The following CACNB1 variants were observed in gnomAD, a reference collection of about 807,000 sequenced individuals.
The protein encoded by CACNB1 is voltage-dependent L-type calcium channel subunit beta-1.
In CACNB1, 29 loss-of-function variants were observed where a neutral mutation model predicts 71.6. The observed-to-expected ratio is 0.40, with a 90% CI of 0.30 to 0.55. The LOEUF (loss-of-function observed/expected upper bound fraction) is 0.55, where lower values mean the gene tolerates loss of function less well. Among genes scored for constraint, CACNB1 ranks in the 20% least tolerant of loss-of-function variants. The pLI is 0.38. For synonymous variants in CACNB1, 300 were observed against 319.6 expected (o/e 0.94, Z 0.65); for missense variants, 623 against 801.8 (o/e 0.78, Z 2.69).
chr17:39,176,905 C>G (rs750117569), intron 13 of CACNB1, among the ~76,000 whole-genome samples: 1 of 152,152 alleles, frequency 6.6e-6, no homozygotes, highest in African/African-American at 2.4e-5. Flanking sequence ...CCAGGTTTAA[C>G]GTAGGTTTCC....
chr17:39,180,505 A>T (rs2045726172), intron 11 of CACNB1, among the ~76,000 whole-genome samples: 1 of 151,706 alleles, frequency 6.6e-6, no homozygotes, highest in Non-Finnish European at 1.5e-5. Flanking sequence ...AAATATAAAA[A>T]TTAGCCAGGT....
rs141549614 is a variant in CACNB1 at position 39,184,799 on chromosome 17, C to A, written c.714G>T (p.Ser238=). The A allele has an allele frequency of 6.2e-7, 1 of 1,611,384 alleles. No homozygotes were observed. Among genetic ancestry groups the A allele is most frequent in the African/African-American group, 1.3e-5 (1 of 74,740 alleles). The change falls in exon 8 of 14, where the codon TCG becomes TCT. Residue 238 remains serine, a synonymous_variant. Transcript: ENST00000394303. ...GAAGTCCTACCTCGTAGCCCTTGAG[C>A]GACGGTCCCACCAGGATGATGGGCC... is the stretch of plus-strand genomic sequence containing the variant. The part of the protein sequence containing the change: ...SMRPIILVGP[S]LKGYEVTDMM...
rs1243892748 is a variant in CACNB1 at position 39,186,517 on chromosome 17, G to A, written c.607C>T (p.Arg203Cys). The part of the protein sequence containing the change: ...SLGDVVTGTR[R>C]PTPPASAKQK... ...TTACCACTGGCAGGGGGTGTGGGGC[G>A]GCGGGTGCCAGTCACCACATCTCCC... The change falls in exon 6 of 14, where the codon CGC (arginine) becomes TGC (cysteine). Residue 203 changes from arginine to cysteine, a missense_variant. Coordinates refer to ENST00000394303, the MANE Select transcript of CACNB1 (RefSeq NM_000723.5). The surrounding 1 kb of genome is among the most constrained non-coding windows in gnomAD (Gnocchi z 4.1). 1.2e-6 allele frequency: 2 copies of A among 1,613,064 alleles called. No homozygotes were observed. The highest frequency in any genetic ancestry group is 1.7e-6 in the Non-Finnish European group (2 of 1,179,556).
rs772232514 is a variant in CACNB1 at position 39,177,357 on chromosome 17, T to G, written c.1325A>C (p.Asn442Thr). Residue 442 changes from asparagine to threonine, a missense_variant, in exon 13 of 14, where the codon AAC becomes ACC. Coordinates refer to ENST00000394303, the MANE Select transcript of CACNB1 (RefSeq NM_000723.5). Reference protein sequence around the residue: ...ALAASPAPVSNLQGPYLASGD... With the variant: ...ALAASPAPVSTLQGPYLASGD... ...CGAGGTGAGCACCTGTACCTGGAGG[T>G]TGGAGACAGGGGCAGGGCTGGCAGC... The G allele has an allele frequency of 6.2e-7, 1 of 1,613,148 alleles. No individual in the cohort carries two copies. Among genetic ancestry groups the G allele is most frequent in the Non-Finnish European group, 8.5e-7 (1 of 1,179,700 alleles).
At chr17:39,180,060 T>A (rs979148388) in intron 11 of CACNB1, among the ~76,000 whole-genome samples, 18 of 151,450 alleles carry the variant, frequency 1.2e-4, no homozygotes, top group African/African-American at 4.4e-4. Flanking sequence ...AGGTCAGGAG[T>A]TCGAGACCAG....
At position 39,197,587 on chromosome 17, in the gene CACNB1, C is replaced by T; in HGVS notation, c.-92G>A. On this transcript the variant is annotated 5_prime_UTR_variant, in exon 1 of 14. Coordinates refer to ENST00000394303, the MANE Select transcript of CACNB1 (RefSeq NM_000723.5). ...CGTGGGAGCCGAAAGCAGCGCGGCGCAGCCAGCACCCGGTCCAGCCACCCA... is the reference window on the plus strand; with the variant it reads ...CGTGGGAGCCGAAAGCAGCGCGGCGTAGCCAGCACCCGGTCCAGCCACCCA... 2 of 959,700 alleles carry T rather than the reference C, an allele frequency of 2.1e-6. No homozygotes were observed. The highest frequency in any genetic ancestry group is 3.0e-6 in the Non-Finnish European group (2 of 663,660). 59.4% of individuals were successfully genotyped at this position (959,700 alleles called of 1,614,324 possible).
rs145662964 is a variant in CACNB1, at chr17:39,174,510, G to C, written c.*683C>G. 114 of 152,816 alleles carry C rather than the reference G, an allele frequency of 7.5e-4. 1 individual carries two copies. The highest frequency in any genetic ancestry group is 4.8e-3 in the South Asian group (23 of 4,836). 9.5% of individuals were successfully genotyped at this position (152,816 alleles called of 1,614,324 possible). A position where few individuals can be genotyped will look rare whatever the true frequency, so the allele number is the denominator to read the frequency against. On this transcript the variant is annotated 3_prime_UTR_variant, in exon 14 of 14. Transcript: ENST00000394303. ...TAGGCAAAGGCTGAGGCATGGAGGT[G>C]GGGGGTGGGGAGCAGCGTCTCGGCC...
Position 39,175,107 on chromosome 17 carries a change from G to C in CACNB1, c.*86C>G, listed in dbSNP as rs765463260. On this transcript the variant is annotated 3_prime_UTR_variant, in exon 14 of 14. Transcript: ENST00000394303. The surrounding 1 kb of genome is among the most constrained non-coding windows in gnomAD (Gnocchi z 4.7). ...AAGGAGGGAGACAGCGCCCCCTGGA[G>C]GCGAATACATGTCAGGTGTGAGCCC... 4.0e-5 allele frequency: 44 copies of C among 1,109,902 alleles called. No homozygotes were observed. Among genetic ancestry groups the C allele is most frequent in the Non-Finnish European group, 5.5e-5 (42 of 763,414 alleles). 68.8% of individuals were successfully genotyped at this position (1,109,902 alleles called of 1,614,324 possible). A position where few individuals can be genotyped will look rare whatever the true frequency, so the allele number is the denominator to read the frequency against.
chr17:39,192,283 C>A, intron 2 of CACNB1: 1 of 152,770 alleles, frequency 6.5e-6, no homozygotes, highest in Non-Finnish European at 1.5e-5. Flanking sequence ...AGGGCTTTCC[C>A]TGAAATGAGG....
Position 39,186,100 on chromosome 17 carries a change from A to G in CACNB1, c.628+396T>C, listed in dbSNP as rs1567803555. On this transcript the variant is annotated intron_variant, in intron 6 of 13. Coordinates refer to ENST00000394303, the MANE Select transcript of CACNB1 (RefSeq NM_000723.5). The surrounding 1 kb of genome is among the most constrained non-coding windows in gnomAD (Gnocchi z 4.1). Reference sequence around the variant, plus strand: ...GTTCAAAGGCTAAGTTAGTCATTTCATTACCTGGACCGGAGAGTCAGGAGA... The same window carrying G: ...GTTCAAAGGCTAAGTTAGTCATTTCGTTACCTGGACCGGAGAGTCAGGAGA... 1 of 1,613,774 alleles carries G rather than the reference A, an allele frequency of 6.2e-7. No individual in the cohort carries two copies. The highest frequency in any genetic ancestry group is 8.5e-7 in the Non-Finnish European group (1 of 1,179,816).
chr17:39,186,153 A>AGATCAGACAGGGGGAGGGCACAG lies in CACNB1; in HGVS notation c.628+342_628+343insCTGTGCCCTCCCCCTGTCTGATC. 6.5e-7 allele frequency: 1 copy of AGATCAGACAGGGGGAGGGCACAG among 1,531,128 alleles called. No individual in the cohort carries two copies. Among genetic ancestry groups the AGATCAGACAGGGGGAGGGCACAG allele is most frequent in the South Asian group, 1.1e-5 (1 of 87,862 alleles). The allele number at this position is 1,531,128 out of a possible 1,614,324, so 94.8% of individuals were successfully genotyped here. On this transcript the variant is annotated intron_variant, in intron 6 of 13. Transcript: ENST00000394303. The surrounding 1 kb of genome is among the most constrained non-coding windows in gnomAD (Gnocchi z 4.1). ...GGGAGGAGGGAGGCGAGGTGGGGAG[A>AGATCAGACAGGGGGAGGGCACAG]AGGAGTGAGATGAACGTGGAGACAC...
chr17:39,181,539 T>C (rs377323700), intron 11 of CACNB1, among the ~76,000 whole-genome samples: 2 of 152,122 alleles, frequency 1.3e-5, no homozygotes, highest in African/African-American at 2.4e-5. Context: ...AGCCCTGGAG[T>C]AGAAGGTCCA....
intron 11 of CACNB1, among the ~76,000 whole-genome samples, chr17:39,181,928 C>T (rs143811286): frequency 0.026 from 3,897 of 152,008 alleles, 124 homozygotes; most frequent in Non-Finnish European, 0.034. Flanking sequence ...TTTGGGAGGC[C>T]GAGGCCGGTG....
intron 10 of CACNB1, 26 bp from the exon 11 acceptor site, chr17:39,183,890 G>C (rs376184673): frequency 4.2e-4 from 680 of 1,605,584 alleles, no homozygotes; most frequent in Non-Finnish European, 5.6e-4. Context: ...CATGTGGATG[G>C]GGGAATGTCA....
chr17:39,184,778 T>A lies in CACNB1; in HGVS notation c.729+6A>T. On this transcript the variant is annotated splice_donor_region_variant and intron_variant, in intron 8 of 13. Transcript: ENST00000394303. ...TCTGCATCCACTCCCCTCTAGGAAG[T>A]CCTACCTCGTAGCCCTTGAGCGACG... 6.3e-7 allele frequency: 1 copy of A among 1,595,534 alleles called. No homozygotes were observed. The highest frequency in any genetic ancestry group is 1.3e-5 in the African/African-American group (1 of 74,346).
At chr17:39,195,037 G>T in intron 1 of CACNB1, 67 bp from the exon 2 acceptor site, 1 of 1,087,472 alleles carries the variant, frequency 9.2e-7, no homozygotes, top group Non-Finnish European at 1.4e-6. Flanking sequence ...CATCTTGCCA[G>T]CCCCAGAGCT....
rs1489400669 is a variant in CACNB1 at position 39,177,159 on chromosome 17, A to G, written c.1332+191T>C. On this transcript the variant is annotated intron_variant, in intron 13 of 13. Coordinates refer to ENST00000394303, the MANE Select transcript of CACNB1 (RefSeq NM_000723.5). ...GCTGCCGCTCATCTTATTTTTTTAC[A>G]AAATAAAGCTCTTCCCTTCCTCCTC... 2.8e-6 allele frequency: 4 copies of G among 1,430,194 alleles called. No homozygotes were observed. In the East Asian group the frequency reaches 1.0e-4, roughly 36 times the overall value. The allele number at this position is 1,430,194 out of a possible 1,614,324, so 88.6% of individuals were successfully genotyped here.
intron 2 of CACNB1, chr17:39,193,334 A>C (rs550895174): frequency 5.7e-6 from 2 of 353,192 alleles, no homozygotes; most frequent in South Asian, 4.0e-5. Context: ...CAGAAATGGC[A>C]GAAGACAGGA....
Position 39,197,563 on chromosome 17 carries a change from G to A in CACNB1, c.-68C>T. 10 of 1,243,904 alleles carry A rather than the reference G, an allele frequency of 8.0e-6. No individual in the cohort carries two copies. The highest frequency in any genetic ancestry group is 2.7e-4 in the Middle Eastern group (1 of 3,724). The allele number at this position is 1,243,904 out of a possible 1,614,324, so 77.1% of individuals were successfully genotyped here. On this transcript the variant is annotated 5_prime_UTR_variant, in exon 1 of 14. It adds an upstream start codon to the 5' untranslated region. Coordinates refer to ENST00000394303, the MANE Select transcript of CACNB1 (RefSeq NM_000723.5). ...GCTCCCTCAGCGCATGGGAGAGGCC[G>A]TGGGAGCCGAAAGCAGCGCGGCGCA...
Sources: allele counts gnomAD v4.1 joint callset (sites outside exome capture counted in the v4.1 genomes callset), GRCh38; gene constraint gnomAD v4.1.1; non-coding constraint Gnocchi (gnomAD v3.1); transcripts MANE v1.5; gene names NCBI Gene and HGNC (gene_info 2026-07-23, HGNC 2026-07-21).